The following VEGFC variants were observed in gnomAD, a reference collection of about 807,000 sequenced individuals.
VEGFC encodes vascular endothelial growth factor C, also known as FLT4 ligand DHM.
A neutral mutation model predicts 46.1 loss-of-function variants in VEGFC; 12 were observed. The ratio of observed to expected loss-of-function variants is 0.26; its 90% CI spans 0.17 to 0.42. The LOEUF (loss-of-function observed/expected upper bound fraction) is 0.42. Among genes scored for constraint, VEGFC ranks in the 10% least tolerant of loss-of-function variants. The pLI, the probability that VEGFC is intolerant of heterozygous loss-of-function variation, is 1.00. For missense variants in VEGFC, 488 were observed against 529.4 expected (o/e 0.92, Z 0.77); for synonymous variants, 232 against 195.5 (o/e 1.19, Z -1.56).
chr4:176,714,698 C>A (rs1156915526), intron 3 of VEGFC, among the ~76,000 whole-genome samples: 2 of 152,128 alleles, frequency 1.3e-5, no homozygotes, highest in East Asian at 3.9e-4. Context: ...AGATTCTGCC[C>A]CAGCCTGTTT....
chr4:176,688,201 G>A (rs977488262), intron 4 of VEGFC, among the ~76,000 whole-genome samples: 1 of 152,084 alleles, frequency 6.6e-6, no homozygotes, highest in Non-Finnish European at 1.5e-5. Context: ...TAATCATATA[G>A]GGTTTTAGCT....
chr4:176,695,299 C>T (rs1289720446), intron 4 of VEGFC, among the ~76,000 whole-genome samples: 30 of 150,098 alleles, frequency 2.0e-4, no homozygotes, highest in African/African-American at 6.8e-4. Flanking sequence ...AAGGGGATAT[C>T]ACCACCGATC....
chr4:176,783,182 C>A (rs929157144), intron 1 of VEGFC, among the ~76,000 whole-genome samples: 5 of 152,186 alleles, frequency 3.3e-5, no homozygotes, highest in African/African-American at 9.7e-5. Flanking sequence ...ATAATTCATC[C>A]CAGTGTCCCA....
intron 1 of VEGFC, among the ~76,000 whole-genome samples, chr4:176,777,998 T>G (rs1257383204): frequency 7.0e-6 from 1 of 143,270 alleles, no homozygotes; most frequent in Non-Finnish European, 1.5e-5. Flanking sequence ...AAAATGTGCC[T>G]AAATATATGG....
At chr4:176,712,376 G>A (rs144690234) in intron 3 of VEGFC, among the ~76,000 whole-genome samples, 139 of 152,186 alleles carry the variant, frequency 9.1e-4, no homozygotes, top group African/African-American at 2.7e-3. Context: ...CCTTCTGAAC[G>A]CCTTATTTAT....
At chr4:176,778,906 T>G (rs908149817) in intron 1 of VEGFC, among the ~76,000 whole-genome samples, 12 of 152,274 alleles carry the variant, frequency 7.9e-5, no homozygotes, top group Admixed American at 7.8e-4. Flanking sequence ...ATAAATCAGT[T>G]TGACAAAATT....
At chr4:176,769,997 A>T (rs1193992646) in intron 1 of VEGFC, among the ~76,000 whole-genome samples, 7 of 152,214 alleles carry the variant, frequency 4.6e-5, no homozygotes, top group Non-Finnish European at 1.0e-4. Context: ...ATGCCAAAAA[A>T]ATAAGTCAAT....
intron 4 of VEGFC, among the ~76,000 whole-genome samples, chr4:176,707,065 G>A (rs2110994493): frequency 6.6e-6 from 1 of 152,222 alleles, no homozygotes; most frequent in East Asian, 1.9e-4. Flanking sequence ...GTGTGTATCA[G>A]TAGTTCATTC....
chr4:176,684,912 A>G lies in VEGFC; in HGVS notation c.1146-872T>C, dbSNP rs1734012460. On this transcript the variant is annotated intron_variant, in intron 6 of 6. Coordinates refer to ENST00000618562, the MANE Select transcript of VEGFC (RefSeq NM_005429.5). ...GGCTAAGTTTCTGTATTTTTCATAGAGCCAGGGTTTTGCCATGTTGGCTGG... is the reference window on the plus strand; with the variant it reads ...GGCTAAGTTTCTGTATTTTTCATAGGGCCAGGGTTTTGCCATGTTGGCTGG... Among the ~76,000 whole-genome samples, 3 of 152,100 alleles carry G rather than the reference A, an allele frequency of 2.0e-5. 1 individual carries two copies. In the South Asian group the frequency reaches 6.2e-4, roughly 32 times the overall value.
intron 4 of VEGFC, among the ~76,000 whole-genome samples, chr4:176,698,699 T>A (rs1040290156): frequency 3.9e-5 from 6 of 152,134 alleles, no homozygotes; most frequent in Non-Finnish European, 8.8e-5. Context: ...GTTGTCACAC[T>A]CTAACATTTC....
chr4:176,791,650 T>C (rs1736095328), intron 1 of VEGFC, among the ~76,000 whole-genome samples: 1 of 152,184 alleles, frequency 6.6e-6, no homozygotes, highest in Non-Finnish European at 1.5e-5. Flanking sequence ...CTGAAAGCTC[T>C]GGAGCCTGGT....
Position 176,729,543 on chromosome 4 carries a change from C to A in VEGFC, c.351G>T (p.Glu117Asp). 6.2e-7 allele frequency: 1 copy of A among 1,612,086 alleles called. No homozygotes were observed. Among genetic ancestry groups the A allele is most frequent in the Non-Finnish European group, 8.5e-7 (1 of 1,179,340 alleles). ...IKFAAAHYNT[E>D]ILKSIDNEWR... ...ATTTCCCATACTTACTTTTCAAGAT[C>A]TCTGTATTATAATGTGCTGCAGCAA... The change falls in exon 2 of 7, where the codon GAG (glutamate) becomes GAT (aspartate). Residue 117 changes from glutamate (E) to aspartate (D), a missense_variant. Physicochemically the swap from Glu to Asp is conservative, Grantham distance 45. Transcript: ENST00000618562.
chr4:176,729,719 G>C lies in VEGFC; in HGVS notation c.175C>G (p.Gln59Glu). Reference protein sequence around the residue: ...TAYASKDLEEQLRSVSSVDEL... With the variant: ...TAYASKDLEEELRSVSSVDEL... ...TCTACACTGGACACAGACCGTAACT[G>C]CTCCTCCAGATCTTTGCTTGCATAA... is the stretch of plus-strand genomic sequence containing the variant. The change falls in exon 2 of 7, where the codon CAG (glutamine) becomes GAG (glutamate). Residue 59 changes from glutamine to glutamate, a missense_variant. Physicochemically the swap from Gln to Glu is conservative, Grantham distance 29. Transcript: ENST00000618562. The C allele has an allele frequency of 1.9e-6, 3 of 1,603,696 alleles. No homozygotes were observed. Among genetic ancestry groups the C allele is most frequent in the Non-Finnish European group, 2.6e-6 (3 of 1,174,852 alleles).
intron 4 of VEGFC, among the ~76,000 whole-genome samples, chr4:176,692,557 C>A (rs1226958497): frequency 7.4e-6 from 1 of 134,430 alleles, no homozygotes; most frequent in Non-Finnish European, 1.5e-5. Flanking sequence ...GGGAGGGACG[C>A]CCGCCATTGC....
chr4:176,780,407 TAA>T (rs1425447575), intron 1 of VEGFC, among the ~76,000 whole-genome samples: 1 of 47,882 alleles, frequency 2.1e-5, no homozygotes, highest in Non-Finnish European at 5.6e-5. Context: ...AAACTCCTTC[TAA>T]CCCATTCACT....
Position 176,687,906 on chromosome 4 carries a change from G to A in VEGFC, c.726C>T (p.Thr242=), listed in dbSNP as rs373237612. The change falls in exon 5 of 7, where the codon ACC becomes ACT. Residue 242 remains threonine (T), a synonymous_variant. Transcript: ENST00000618562. The part of the protein sequence containing the change: ...TLPQCQAANK[T]CPTNYMWNNH... ...TATTCCACATGTAATTGGTGGGGCAGGTCTTGTTCGCTGCCTGACACCTTT... is the reference window on the plus strand; with the variant it reads ...TATTCCACATGTAATTGGTGGGGCAAGTCTTGTTCGCTGCCTGACACCTTT... The A allele has an allele frequency of 3.7e-6, 6 of 1,612,856 alleles. No individual in the cohort carries two copies. The highest frequency in any genetic ancestry group is 2.2e-5 in the South Asian group (2 of 90,846).
chr4:176,696,208 A>G (rs1734310803), intron 4 of VEGFC, among the ~76,000 whole-genome samples: 3 of 146,062 alleles, frequency 2.1e-5, no homozygotes, highest in African/African-American at 7.7e-5. Flanking sequence ...CTGTTTGCAG[A>G]CAACATGATT....
intron 1 of VEGFC, among the ~76,000 whole-genome samples, chr4:176,779,742 A>G (rs113876271): frequency 0.02 from 2,932 of 147,222 alleles, 79 homozygotes; most frequent in African/African-American, 0.069. Flanking sequence ...CCCAGATAGG[A>G]AAAAAAAAAA....
At chr4:176,689,403 C>A (rs900550138) in intron 4 of VEGFC, 8 of 152,134 alleles carry the variant, frequency 5.3e-5, no homozygotes, top group Non-Finnish European at 7.4e-5. Context: ...CATTTTGCAA[C>A]CAAAATGCAG....
Sources: gnomAD v4.1 joint callset for allele counts (sites outside exome capture counted in the v4.1 genomes callset) on GRCh38, gnomAD v4.1.1 for gene constraint, MANE v1.5 for transcripts, NCBI Gene and HGNC (gene_info 2026-07-23, HGNC 2026-07-21) for gene names.